Variants in ZFP2 observed in about 807,000 individuals in gnomAD.
ZFP2 encodes ZFP2 zinc finger protein.
Under a neutral mutation model 36.1 loss-of-function variants are expected in ZFP2, and 33 were observed. The observed-to-expected ratio is 0.92, with a 90% CI of 0.69 to 1.22. The LOEUF (loss-of-function observed/expected upper bound fraction) is 1.22, where lower values mean the gene tolerates loss of function less well. Ranked by LOEUF, ZFP2 falls within the 50% of genes most tolerant of loss-of-function variation. The pLI, the probability that ZFP2 is intolerant of heterozygous loss-of-function variation, is 0.00. For missense variants in ZFP2, 522 were observed against 551.4 expected (o/e 0.95, Z 0.53); for synonymous variants, 170 against 178.0 (o/e 0.96, Z 0.36).
intron 4 of ZFP2, among the ~76,000 whole-genome samples, chr5:178,918,769 A>G (rs1758490877): frequency 6.6e-6 from 1 of 152,250 alleles, no homozygotes; most frequent in Non-Finnish European, 1.5e-5. Context: ...TGGTAATGAT[A>G]ACAGCTAATA....
At chr5:178,914,070 A>G (rs1474500252) in intron 3 of ZFP2, 1 of 151,988 alleles carries the variant, frequency 6.6e-6, no homozygotes, top group Non-Finnish European at 1.5e-5. Flanking sequence ...GTTAGCCAGG[A>G]TGGTCTCGAT....
intron 4 of ZFP2, among the ~76,000 whole-genome samples, chr5:178,923,042 T>A (rs1758593090): frequency 6.7e-6 from 1 of 149,786 alleles, no homozygotes; most frequent in Non-Finnish European, 1.5e-5. Flanking sequence ...CTGCTTAATT[T>A]TCAAACATGA....
intron 1 of ZFP2, among the ~76,000 whole-genome samples, chr5:178,908,188 T>C (rs1219651993): frequency 4.6e-5 from 7 of 152,164 alleles, no homozygotes; most frequent in Admixed American, 2.6e-4. Flanking sequence ...GTGGCTCACG[T>C]CTGTAATCCC....
At chr5:178,911,765 C>A (rs1212705282) in intron 1 of ZFP2, among the ~76,000 whole-genome samples, 1 of 152,128 alleles carries the variant, frequency 6.6e-6, no homozygotes, top group Non-Finnish European at 1.5e-5. Context: ...ATGATGAAAA[C>A]CTTTTCTATT....
intron 1 of ZFP2, among the ~76,000 whole-genome samples, chr5:178,911,170 A>G (rs1202475964): frequency 3.3e-5 from 5 of 152,216 alleles, no homozygotes; most frequent in Non-Finnish European, 7.3e-5. Flanking sequence ...AATAAAAATT[A>G]GGGAGAAAAT....
At chr5:178,912,115 A>G (rs1022788988) in intron 1 of ZFP2, among the ~76,000 whole-genome samples, 1 of 152,230 alleles carries the variant, frequency 6.6e-6, no homozygotes, top group African/African-American at 2.4e-5. Context: ...CCTCGGCTAC[A>G]GAGCAAGACT....
At chr5:178,906,625 G>A (rs986870312) in intron 1 of ZFP2, among the ~76,000 whole-genome samples, 6 of 151,598 alleles carry the variant, frequency 4.0e-5, no homozygotes, top group African/African-American at 1.2e-4. Flanking sequence ...GCCCGATCTC[G>A]GCTCACTGCA....
chr5:178,925,210 A>G (rs2113116634), intron 4 of ZFP2, among the ~76,000 whole-genome samples: 1 of 147,816 alleles, frequency 6.8e-6, no homozygotes, highest in East Asian at 1.9e-4. Context: ...ATTCATTCAT[A>G]TTGATATGTG....
chr5:178,927,400 A>G (rs1172251895), intron 4 of ZFP2, among the ~76,000 whole-genome samples: 1 of 152,118 alleles, frequency 6.6e-6, no homozygotes, highest in Non-Finnish European at 1.5e-5. Context: ...CCAGAGGAGT[A>G]TATTCTCAAA....
At chr5:178,910,777 C>T (rs991151418) in intron 1 of ZFP2, among the ~76,000 whole-genome samples, 6 of 152,134 alleles carry the variant, frequency 3.9e-5, no homozygotes, top group African/African-American at 1.4e-4. Flanking sequence ...GGGTCCAACC[C>T]TCCTACCATC....
intron 3 of ZFP2, among the ~76,000 whole-genome samples, chr5:178,915,418 A>G (rs1220187808): frequency 7.1e-6 from 1 of 140,014 alleles, no homozygotes; most frequent in Non-Finnish European, 1.5e-5. Flanking sequence ...GGTTCAAGCA[A>G]TTCTTCTGCC....
At chr5:178,911,849 T>C (rs72816627) in intron 1 of ZFP2, among the ~76,000 whole-genome samples, 1 of 152,194 alleles carries the variant, frequency 6.6e-6, no homozygotes, top group South Asian at 2.1e-4. Flanking sequence ...TTAAGTAATT[T>C]ATCTGGCCGG....
At chr5:178,926,191 A>AT (rs1758665439) in intron 4 of ZFP2, among the ~76,000 whole-genome samples, 2 of 127,290 alleles carry the variant, frequency 1.6e-5, no homozygotes, top group Admixed American at 1.5e-4. Flanking sequence ...GAAGCACTTA[A>AT]TTTTCTCCCA....
chr5:178,910,140 C>G (rs958921802), intron 1 of ZFP2: 42 of 1,444,504 alleles, frequency 2.9e-5, no homozygotes, highest in Admixed American at 5.0e-5. Context: ...TGCACAGATT[C>G]TGTCACTGCT....
At chr5:178,908,054 T>C (rs1354166881) in intron 1 of ZFP2, among the ~76,000 whole-genome samples, 1 of 152,224 alleles carries the variant, frequency 6.6e-6, no homozygotes, top group Non-Finnish European at 1.5e-5. Flanking sequence ...CTACAAATGC[T>C]CTTGGCTGGC....
intron 1 of ZFP2, among the ~76,000 whole-genome samples, chr5:178,909,116 G>C (rs1160332051): frequency 7.4e-6 from 1 of 134,732 alleles, no homozygotes; most frequent in Non-Finnish European, 1.6e-5. Context: ...AAAACCCCTC[G>C]TGGCCTGGAT....
chr5:178,931,434 A>C lies in ZFP2; in HGVS notation c.121A>C (p.Thr41Pro). The C allele has an allele frequency of 6.2e-7, 1 of 1,614,186 alleles. No homozygotes were observed. Among genetic ancestry groups the C allele is most frequent in the African/African-American group, 1.3e-5 (1 of 75,054 alleles). The part of the protein sequence containing the change: ...QVGVTHKETF[T>P]EMRVCGGNEF... The stretch of plus-strand genomic sequence containing the variant: ...GGGAGTTACCCATAAGGAAACCTTC[A>C]CTGAGATGAGAGTATGTGGAGGTAA... Residue 41 changes from threonine (T) to proline (P), a missense_variant, in exon 5 of 5, where the codon ACT becomes CCT. By Grantham distance (38) the Thr-to-Pro change is conservative (BLOSUM62 -1). Transcript: ENST00000361362.
intron 4 of ZFP2, among the ~76,000 whole-genome samples, chr5:178,924,358 G>C (rs1758619752): frequency 9.0e-6 from 1 of 111,340 alleles, no homozygotes; most frequent in African/African-American, 3.1e-5. Context: ...GCATGACAGA[G>C]AGAGACTCTG....
chr5:178,902,164 A>G (rs924902896), intron 1 of ZFP2, among the ~76,000 whole-genome samples: 1 of 152,162 alleles, frequency 6.6e-6, no homozygotes, highest in Non-Finnish European at 1.5e-5. Flanking sequence ...ATTTCTGGAT[A>G]GTCTTCATCT....
Sources: gnomAD v4.1 joint callset for allele counts (sites outside exome capture counted in the v4.1 genomes callset) on GRCh38, gnomAD v4.1.1 for gene constraint, MANE v1.5 for transcripts, NCBI Gene and HGNC (gene_info 2026-07-23, HGNC 2026-07-21) for gene names.